Variants in USP32 observed in about 807,000 individuals in gnomAD.
USP32 encodes ubiquitin carboxyl-terminal hydrolase 32.
Under a neutral mutation model 204.8 loss-of-function variants are expected in USP32, and 59 were observed. That is an observed-to-expected ratio of 0.29 (90% CI 0.23 to 0.36). USP32 has a LOEUF of 0.36. Ranked by LOEUF, USP32 falls within the 10% of genes least tolerant of loss-of-function variation. The probability of loss-of-function intolerance (pLI) is 1.00; values close to 1 mark genes in which losing one functional copy is unlikely to be tolerated. For missense variants in USP32, 1,160 were observed against 1,946.4 expected (o/e 0.60, Z 7.60); for synonymous variants, 517 against 678.4 (o/e 0.76, Z 3.70).
rs2086364340 is a variant in USP32 at position 60,258,204 on chromosome 17, CATGAA to C, written c.991-2951_991-2947del. ...AACATGAAATGATGCAAATGAAAAA[CATGAA>C]ATGATGCAAATGATAAATGAACATT... On this transcript the variant is annotated intron_variant, in intron 9 of 33. Coordinates refer to ENST00000300896, the MANE Select transcript of USP32 (RefSeq NM_032582.4). 2.5e-5 allele frequency: 4 copies of C among 158,716 alleles called. No homozygotes were observed. In the Admixed American group the frequency reaches 2.6e-4, roughly 10 times the overall value. 9.8% of individuals were successfully genotyped at this position (158,716 alleles called of 1,614,324 possible). A position where few individuals can be genotyped will look rare whatever the true frequency, so the allele number is the denominator to read the frequency against.
chr17:60,410,809 G>A (rs961940315), intron 1 of USP32, among the ~76,000 whole-genome samples: 9 of 152,048 alleles, frequency 5.9e-5, no homozygotes, highest in South Asian at 2.1e-4. Flanking sequence ...GGCTGGGTGC[G>A]GTGGCTCACG....
intron 27 of USP32, among the ~76,000 whole-genome samples, chr17:60,196,387 C>T (rs2084518342): frequency 6.6e-6 from 1 of 151,670 alleles, no homozygotes; most frequent in Non-Finnish European, 1.5e-5. Context: ...AATTCAATTA[C>T]TTCACTTCAA....
At chr17:60,336,715 C>CA (rs573590957) in intron 2 of USP32, among the ~76,000 whole-genome samples, 17,103 of 70,890 alleles carry the variant, frequency 0.24, 3,035 homozygotes, top group African/African-American at 0.52. Context: ...GACTCCATCT[C>CA]AAAAAAAAAA....
rs535879920 is a variant in USP32 at position 60,222,733 on chromosome 17, G to C, written c.1609-184C>G. Among the ~76,000 whole-genome samples, 19 of 147,012 alleles carry C rather than the reference G, an allele frequency of 1.3e-4. No homozygotes were observed. The East Asian group carries it at 2.2e-3, about 17-fold the overall frequency. On this transcript the variant is annotated intron_variant, in intron 14 of 33. Coordinates refer to ENST00000300896, the MANE Select transcript of USP32 (RefSeq NM_032582.4). ...GTCTTGTTCCGTCACCCAGGCTGGA[G>C]TACAGTGGCGCGATCTTCGCTTGCT...
rs892383164 is a variant in USP32, at chr17:60,401,250, G to C, written c.106+20996C>G. 4.6e-5 allele frequency among the ~76,000 whole-genome samples: 7 copies of C among 152,064 alleles called. No individual in the cohort carries two copies. In the Middle Eastern group the frequency reaches 0.01, roughly 222 times the overall value. On this transcript the variant is annotated intron_variant, in intron 1 of 3. Coordinates refer to the USP32 transcript ENST00000588898. ...GTGGGCGTGGTGGTGGGCGCCTGTAGTCCCAGCTACTCAGGAGGCTGAGGC... is the reference window on the plus strand; with the variant it reads ...GTGGGCGTGGTGGTGGGCGCCTGTACTCCCAGCTACTCAGGAGGCTGAGGC...
intron 2 of USP32, among the ~76,000 whole-genome samples, chr17:60,330,700 T>A (rs2088359447): frequency 6.6e-6 from 1 of 151,960 alleles, no homozygotes; most frequent in South Asian, 2.1e-4. Context: ...ACACATATCA[T>A]CACACCTGGC....
chr17:60,254,728 TAAAAG>T lies in USP32; in HGVS notation c.1074+442_1074+446del, dbSNP rs1361208726. ...TTAAAAATAATAATGATAATAATAATAAAAGAAAAGAAAAATGTATAGCTACCTCC... is the reference window on the plus strand; with the variant it reads ...TTAAAAATAATAATGATAATAATAATAAAAGAAAAATGTATAGCTACCTCC... On this transcript the variant is annotated intron_variant, in intron 10 of 33. Coordinates refer to ENST00000300896, the MANE Select transcript of USP32 (RefSeq NM_032582.4). 2.6e-5 allele frequency among the ~76,000 whole-genome samples: 4 copies of T among 152,180 alleles called. No individual in the cohort carries two copies. In the South Asian group the frequency reaches 8.3e-4, roughly 32 times the overall value.
At chr17:60,411,468 G>T (rs928784072) in intron 1 of USP32, among the ~76,000 whole-genome samples, 108 of 148,580 alleles carry the variant, frequency 7.3e-4, no homozygotes, top group African/African-American at 2.6e-3. Context: ...AGCCGTGATT[G>T]TACCATTACA....
At chr17:60,303,516 A>G in intron 2 of USP32, among the ~76,000 whole-genome samples, 1 of 151,854 alleles carries the variant, frequency 6.6e-6, no homozygotes, top group Non-Finnish European at 1.5e-5. Flanking sequence ...ACCTCTAAGA[A>G]AGAGCCCTAA....
chr17:60,273,961 C>CA (rs35639109), intron 5 of USP32, among the ~76,000 whole-genome samples: 5,362 of 38,790 alleles, frequency 0.14, 398 homozygotes, highest in Non-Finnish European at 0.16. Flanking sequence ...GACTCAGTCT[C>CA]AAAAAAAAAA....
At chr17:60,182,564 C>T (rs1018123189) in intron 31 of USP32, among the ~76,000 whole-genome samples, 6 of 152,026 alleles carry the variant, frequency 3.9e-5, no homozygotes, top group Non-Finnish European at 8.8e-5. Context: ...GGAGTTCGAG[C>T]CCAGCCTGGG....
chr17:60,203,766 G>A (rs146844808), intron 26 of USP32, among the ~76,000 whole-genome samples: 6,018 of 152,080 alleles, frequency 0.04, 436 homozygotes, highest in African/African-American at 0.14. Flanking sequence ...TAATAGAGAC[G>A]GGGTTTCACC....
At chr17:60,270,528 A>G (rs1316705879) in intron 6 of USP32, among the ~76,000 whole-genome samples, 3 of 152,182 alleles carry the variant, frequency 2.0e-5, no homozygotes. Context: ...CTTATTTTTA[A>G]AAAAGTAACA....
chr17:60,222,493 A>G lies in USP32; in HGVS notation c.1665T>C (p.His555=), dbSNP rs531374071. 2.9e-5 allele frequency: 47 copies of G among 1,614,162 alleles called. No homozygotes were observed. The East Asian group carries it at 9.6e-4, about 33-fold the overall frequency. ...CTGGGACCATTTCATAGTCTCTTCC[A>G]TGAATCAGCTGTGGAGTTCGTTTTA... is the stretch of plus-strand genomic sequence containing the variant. ...GRLKRTPQLI[H]GRDYEMVPEP... Residue 555 remains histidine, a synonymous_variant, in exon 15 of 34, where the codon CAT becomes CAC. Transcript: ENST00000300896.
At chr17:60,208,619 G>A in intron 23 of USP32, 35 bp downstream of exon 23, 1 of 1,462,796 alleles carries the variant, frequency 6.8e-7, no homozygotes, top group Non-Finnish European at 9.0e-7. Flanking sequence ...TAAATTTAAT[G>A]GAGTCAAGTA....
At position 60,209,539 on chromosome 17, in the gene USP32, G is replaced by A; in HGVS notation, c.2429C>T (p.Thr810Ile). The A allele has an allele frequency of 6.3e-7, 1 of 1,581,092 alleles. No homozygotes were observed. Among genetic ancestry groups the A allele is most frequent in the Non-Finnish European group, 8.5e-7 (1 of 1,170,588 alleles). The change falls in exon 22 of 34, where the codon ACC (threonine) becomes ATC (isoleucine). Residue 810 changes from threonine to isoleucine, a missense_variant. Coordinates refer to ENST00000300896, the MANE Select transcript of USP32 (RefSeq NM_032582.4). Reference sequence around the variant, plus strand: ...AAACCTGGGAGCATATTTTGCTATGGTCCACTATAAATATAAGAGAAGTCA... The same window carrying A: ...AAACCTGGGAGCATATTTTGCTATGATCCACTATAAATATAAGAGAAGTCA... ...KNVAPLKLRWTIAKYAPRFNG... is the reference protein window; with the variant it reads ...KNVAPLKLRWIIAKYAPRFNG...
intron 2 of USP32, among the ~76,000 whole-genome samples, chr17:60,306,987 G>T (rs944594862): frequency 6.6e-6 from 1 of 151,844 alleles, no homozygotes; most frequent in Non-Finnish European, 1.5e-5. Flanking sequence ...AGATGTGAAA[G>T]ATCTATAAAA....
intron 1 of USP32, among the ~76,000 whole-genome samples, chr17:60,410,329 A>G (rs2090008210): frequency 6.6e-6 from 1 of 151,980 alleles, no homozygotes; most frequent in Non-Finnish European, 1.5e-5. Context: ...CCAACCAATC[A>G]GCATACCCCA....
rs756517269 is a variant in USP32, at chr17:60,183,430, T to C, written c.3858A>G (p.Gln1286=). The C allele has an allele frequency of 1.4e-5, 23 of 1,610,772 alleles. No homozygotes were observed. Among genetic ancestry groups the C allele is most frequent in the Non-Finnish European group, 2.0e-5 (23 of 1,177,900 alleles). Reference sequence around the variant, plus strand: ...ATTTTATCCACCGACCATTTACAAATTGAAATCGCTTAAGGTGAATAATCT... The same window carrying C: ...ATTTTATCCACCGACCATTTACAAACTGAAATCGCTTAAGGTGAATAATCT... ...PILIIHLKRF[Q]FVNGRWIKSQ... Residue 1286 remains glutamine, a synonymous_variant, in exon 31 of 34, where the codon CAA becomes CAG. Transcript: ENST00000300896.
Sources: allele counts gnomAD v4.1 joint callset (sites outside exome capture counted in the v4.1 genomes callset), GRCh38; gene constraint gnomAD v4.1.1; transcripts MANE v1.5; gene names NCBI Gene and HGNC (gene_info 2026-07-23, HGNC 2026-07-21).